SEL1L2: variants seen among roughly 807,000 people sequenced by gnomAD.
SEL1L2 encodes SEL1L2 adaptor subunit of SYVN1 ubiquitin ligase.
In SEL1L2, 89 loss-of-function variants were observed where a neutral mutation model predicts 98.8. The observed-to-expected ratio is 0.90, with a 90% confidence interval of 0.76 to 1.07. SEL1L2 has a LOEUF of 1.07. Ranked by LOEUF, SEL1L2 falls within the 50% of genes least tolerant of loss-of-function variation. SEL1L2 has a pLI of 0.00. For synonymous variants in SEL1L2, 262 were observed against 278.5 expected, an observed-to-expected ratio of 0.94 and a Z score of 0.59; for missense variants, 788 against 812.0, an observed-to-expected ratio of 0.97 and a Z score of 0.36.
In SEL1L2 at chr20:13,941,921, C is replaced by T. The variant is rs544240447; in HGVS notation, c.115-10150G>A. Among the ~76,000 whole-genome samples, 32 of 152,296 alleles carry T rather than the reference C, an allele frequency of 2.1e-4. No individual in the cohort carries two copies. In the South Asian group the frequency reaches 6.2e-3, roughly 30 times the overall value. ...TTTCCTAGGGCTCAACAATCAAAGA[C>T]ATTTCTTGTTTTCCTTAACAATCTA... On this transcript the variant is annotated intron_variant, in intron 2 of 19. Coordinates refer to ENST00000284951, the MANE Select transcript of SEL1L2 (RefSeq NM_025229.2).
intron 12 of SEL1L2, among the ~76,000 whole-genome samples, chr20:13,872,761 C>A (rs1459301025): frequency 6.6e-6 from 1 of 150,992 alleles, no homozygotes; most frequent in Non-Finnish European, 1.5e-5. Context: ...GCCCAGTGTG[C>A]CTATTTAGAA....
intron 5 of SEL1L2, among the ~76,000 whole-genome samples, chr20:13,907,655 C>T (rs2047992671): frequency 6.6e-6 from 1 of 152,148 alleles, no homozygotes; most frequent in Admixed American, 6.5e-5. Flanking sequence ...AAGGGCAATA[C>T]AATGCAAATG....
At chr20:13,978,573 A>G (rs1402372384) in intron 1 of SEL1L2, among the ~76,000 whole-genome samples, 1 of 152,190 alleles carries the variant, frequency 6.6e-6, no homozygotes, top group East Asian at 1.9e-4. Context: ...TTATCCAAAG[A>G]AAAGGAAATC....
chr20:13,965,956 CAAAA>C (rs199731856), intron 1 of SEL1L2, among the ~76,000 whole-genome samples: 1 of 110,252 alleles, frequency 9.1e-6, no homozygotes, highest in African/African-American at 3.2e-5. Flanking sequence ...GATTCTGTCT[CAAAA>C]AAAAAAAAAA....
chr20:13,992,721 A>G (rs2052568127), upstream of SEL1L2, among the ~76,000 whole-genome samples: 1 of 152,210 alleles, frequency 6.6e-6, no homozygotes. Flanking sequence ...TTTACACAGC[A>G]GAAATTAATT....
intron 5 of SEL1L2, among the ~76,000 whole-genome samples, chr20:13,898,674 G>A (rs1013337329): frequency 1.1e-3 from 167 of 152,272 alleles, no homozygotes; most frequent in African/African-American, 3.7e-3. Flanking sequence ...TTTATGGGTA[G>A]AGCCAAATCT....
intron 5 of SEL1L2, among the ~76,000 whole-genome samples, chr20:13,889,445 AG>A (rs1166395617): frequency 1.3e-5 from 2 of 152,144 alleles, no homozygotes; most frequent in Non-Finnish European, 2.9e-5. Flanking sequence ...AATAAAACCA[AG>A]GGCCCTTATA....
intron 1 of SEL1L2, among the ~76,000 whole-genome samples, chr20:13,975,087 G>GT (rs567069209): frequency 8.6e-5 from 13 of 151,830 alleles, no homozygotes; most frequent in African/African-American, 2.4e-4. Flanking sequence ...TAAGAACCAG[G>GT]TTTTTTTTAC....
chr20:13,891,820 T>C (rs942748466), intron 5 of SEL1L2, among the ~76,000 whole-genome samples: 5 of 152,082 alleles, frequency 3.3e-5, no homozygotes, highest in African/African-American at 1.2e-4. Context: ...TTTGAAGGAA[T>C]TGCTAAAGGA....
At chr20:13,908,894 A>G (rs575483994) in intron 5 of SEL1L2, among the ~76,000 whole-genome samples, 2 of 152,274 alleles carry the variant, frequency 1.3e-5, no homozygotes, top group African/African-American at 4.8e-5. Flanking sequence ...CCCTTTGTAC[A>G]TACCCAGAAA....
chr20:13,856,720 A>G (rs552706729), intron 18 of SEL1L2, among the ~76,000 whole-genome samples: 58 of 152,284 alleles, frequency 3.8e-4, no homozygotes, highest in African/African-American at 1.3e-3. Flanking sequence ...TTTAATATTG[A>G]TTTACCAAGA....
At chr20:13,914,184 C>T (rs545874791) in intron 4 of SEL1L2, among the ~76,000 whole-genome samples, 5 of 152,200 alleles carry the variant, frequency 3.3e-5, no homozygotes, top group African/African-American at 4.8e-5. Context: ...ATATAACATA[C>T]ACCATCTTAT....
intron 4 of SEL1L2, chr20:13,915,276 G>T (rs1360407883): frequency 9.5e-6 from 12 of 1,267,944 alleles, no homozygotes; most frequent in South Asian, 8.9e-5. Context: ...TACTCCAGTG[G>T]AACAAAAAGA....
At chr20:13,887,731 A>C in intron 8 of SEL1L2, 38 bp downstream of exon 8, 1 of 1,300,960 alleles carries the variant, frequency 7.7e-7, no homozygotes, top group Non-Finnish European at 1.1e-6. Flanking sequence ...ATTCCTTGGC[A>C]ACTGTTTATT....
intron 18 of SEL1L2, among the ~76,000 whole-genome samples, chr20:13,851,921 C>T (rs1432985194): frequency 6.6e-6 from 1 of 151,996 alleles, no homozygotes; most frequent in Non-Finnish European, 1.5e-5. Flanking sequence ...AAATATTTTC[C>T]AAAGCTTTAT....
intron 10 of SEL1L2, among the ~76,000 whole-genome samples, chr20:13,879,093 C>CA (rs1370878419): frequency 6.6e-6 from 1 of 151,904 alleles, no homozygotes; most frequent in African/African-American, 2.4e-5. Flanking sequence ...AGCAGCTCAC[C>CA]ACTCTGTCTC....
At chr20:13,889,836 T>A (rs1178477096) in intron 5 of SEL1L2, among the ~76,000 whole-genome samples, 1 of 152,154 alleles carries the variant, frequency 6.6e-6, no homozygotes, top group Non-Finnish European at 1.5e-5. Context: ...TTGGATACTT[T>A]TCTTCACATT....
intron 1 of SEL1L2, among the ~76,000 whole-genome samples, chr20:13,958,451 G>A (rs1028461415): frequency 1.3e-5 from 2 of 151,980 alleles, no homozygotes; most frequent in Non-Finnish European, 2.9e-5. Flanking sequence ...CATGTTTTTT[G>A]CTTATTACTT....
chr20:13,947,382 C>T (rs922115066), intron 2 of SEL1L2, among the ~76,000 whole-genome samples: 1 of 152,158 alleles, frequency 6.6e-6, no homozygotes, highest in Non-Finnish European at 1.5e-5. Context: ...GAGCTACCCA[C>T]TCTGAATCTC....
Sources: allele counts gnomAD v4.1 joint callset (sites outside exome capture counted in the v4.1 genomes callset), GRCh38; gene constraint gnomAD v4.1.1; transcripts MANE v1.5; gene names NCBI Gene and HGNC (gene_info 2026-07-23, HGNC 2026-07-21).